Variants in SBNO1 observed in about 807,000 individuals in gnomAD.
SBNO1 encodes strawberry notch homolog 1, also known as protein strawberry notch homolog 1.
A neutral mutation model predicts 173.6 loss-of-function variants in SBNO1; 23 were observed. That is an observed-to-expected ratio of 0.13 (90% confidence interval 0.10 to 0.19). SBNO1 has a LOEUF of 0.19. Ranked by LOEUF, SBNO1 falls within the 10% of genes least tolerant of loss-of-function variation. SBNO1 has a pLI of 1.00. For synonymous variants in SBNO1, 632 were observed against 571.5 expected (o/e 1.11, Z -1.51); for missense variants, 1,238 against 1,671.2 (o/e 0.74, Z 4.52).
At chr12:123,319,361 T>C (rs562867324) in intron 20 of SBNO1, among the ~76,000 whole-genome samples, 2 of 152,318 alleles carry the variant, frequency 1.3e-5, no homozygotes, top group East Asian at 1.9e-4. Context: ...CAATACTTAT[T>C]ATATTCAATG....
At chr12:123,331,438 TAC>T in intron 7 of SBNO1, 63 bp from the exon 8 acceptor site, 1 of 1,484,542 alleles carries the variant, frequency 6.7e-7, no homozygotes, top group Non-Finnish European at 9.2e-7. Flanking sequence ...CAATCTTTCA[TAC>T]ACTGTTTTAG....
intron 23 of SBNO1, among the ~76,000 whole-genome samples, chr12:123,315,105 A>C (rs2138943990): frequency 6.6e-6 from 1 of 152,296 alleles, no homozygotes; most frequent in Non-Finnish European, 1.5e-5. Context: ...AGAAAAATTA[A>C]CTTCCTTTGC....
chr12:123,318,496 G>A (rs561451918), intron 20 of SBNO1, among the ~76,000 whole-genome samples: 2 of 152,104 alleles, frequency 1.3e-5, no homozygotes, highest in South Asian at 4.1e-4. Context: ...ATTTTGGGAG[G>A]CAGAGGTGGG....
intron 1 of SBNO1, among the ~76,000 whole-genome samples, chr12:123,357,007 G>A (rs1167406081): frequency 6.6e-6 from 1 of 152,110 alleles, no homozygotes; most frequent in African/African-American, 2.4e-5. Flanking sequence ...TTTAGTTTAA[G>A]AATTTTAAGA....
At chr12:123,308,005 G>C (rs2048963415) in intron 28 of SBNO1, among the ~76,000 whole-genome samples, 1 of 152,174 alleles carries the variant, frequency 6.6e-6, no homozygotes, top group Admixed American at 6.5e-5. Flanking sequence ...CTGGGAGGCG[G>C]AGGTTGCAGT....
At chr12:123,328,979 G>T (rs1870880918) in intron 9 of SBNO1, 84 bp from the exon 10 acceptor site, 7 of 800,824 alleles carry the variant, frequency 8.7e-6, no homozygotes, top group Non-Finnish European at 9.4e-6. Flanking sequence ...TCACAAGCAG[G>T]AACTCTTGTT....
chr12:123,349,546 A>G (rs1873637292), intron 2 of SBNO1, among the ~76,000 whole-genome samples: 1 of 129,362 alleles, frequency 7.7e-6, no homozygotes, highest in Non-Finnish European at 1.5e-5. Context: ...CGTTTATAAT[A>G]ACATCAAAGC....
In SBNO1 at chr12:123,309,286, T is replaced by A. The variant is rs761729057; in HGVS notation, c.3630+24A>T. The A allele has an allele frequency of 2.6e-6, 4 of 1,556,544 alleles. No individual in the cohort carries two copies. In the Admixed American group the frequency reaches 6.7e-5, roughly 26 times the overall value. ...CATTAAAAAGTATTATATATCTGAA[T>A]AGAATTTAAAGGAAAAGTCGTACTT... On this transcript the variant is annotated intron_variant, in intron 28 of 31. Coordinates refer to ENST00000602398, the MANE Select transcript of SBNO1 (RefSeq NM_001167856.3).
intron 28 of SBNO1, among the ~76,000 whole-genome samples, chr12:123,308,785 T>C (rs916457907): frequency 1.3e-5 from 2 of 152,086 alleles, no homozygotes; most frequent in African/African-American, 4.8e-5. Context: ...CTGGCCAACA[T>C]GGTGAAACTT....
intron 29 of SBNO1, among the ~76,000 whole-genome samples, 167 bp from the exon 30 acceptor site, chr12:123,303,067 G>C (rs1445586751): frequency 6.6e-6 from 1 of 152,164 alleles, no homozygotes; most frequent in African/African-American, 2.4e-5. Flanking sequence ...GCTCTGTCAT[G>C]CTGGTTCCTC....
chr12:123,336,459 T>C lies in SBNO1; in HGVS notation c.684A>G (p.Pro228=). 1 of 1,612,916 alleles carries C rather than the reference T, an allele frequency of 6.2e-7. No individual in the cohort carries two copies. Among genetic ancestry groups the C allele is most frequent in the Non-Finnish European group, 8.5e-7 (1 of 1,179,358 alleles). The part of the protein sequence containing the change: ...KVPVVKEDDE[P]EEEDEEEMGH... ...CCATTTCTTCTTCATCTTCTTCCTC[T>C]GGTTCATCATCTTCTTTTACAACAG... Residue 228 remains proline (P), a synonymous_variant, in exon 6 of 32, where the codon CCA becomes CCG. Coordinates refer to ENST00000602398, the MANE Select transcript of SBNO1 (RefSeq NM_001167856.3).
chr12:123,348,438 A>G (rs1593406917), intron 2 of SBNO1, among the ~76,000 whole-genome samples: 1 of 152,168 alleles, frequency 6.6e-6, no homozygotes, highest in African/African-American at 2.4e-5. Flanking sequence ...CCTGTCCAAC[A>G]TGGTGAAACC....
intron 29 of SBNO1, 78 bp from the exon 30 acceptor site, chr12:123,302,978 A>C (rs1236655935): frequency 9.6e-7 from 1 of 1,039,602 alleles, no homozygotes; most frequent in Non-Finnish European, 1.5e-6. Flanking sequence ...CTGTAATTCT[A>C]GAGGTAGCCA....
chr12:123,301,945 G>GTT (rs940770303), intron 30 of SBNO1, among the ~76,000 whole-genome samples: 1 of 145,542 alleles, frequency 6.9e-6, no homozygotes, highest in South Asian at 2.1e-4. Context: ...AAAGTGGTTT[G>GTT]TTTTTTTTTT....
At chr12:123,352,511 C>T (rs1236475434) in intron 1 of SBNO1, among the ~76,000 whole-genome samples, 6 of 152,180 alleles carry the variant, frequency 3.9e-5, no homozygotes, top group East Asian at 1.9e-4. Flanking sequence ...AGGCTGGTCT[C>T]GAACTCCTGA....
intron 1 of SBNO1, among the ~76,000 whole-genome samples, chr12:123,361,966 C>T (rs1875275537): frequency 6.7e-6 from 1 of 149,636 alleles, no homozygotes; most frequent in African/African-American, 2.5e-5. Flanking sequence ...TGGTGAAACC[C>T]CGTGTCTACT....
chr12:123,353,943 G>A (rs1461102205), intron 1 of SBNO1, among the ~76,000 whole-genome samples: 4 of 152,108 alleles, frequency 2.6e-5, no homozygotes, highest in South Asian at 2.1e-4. Flanking sequence ...GCAGGCCACA[G>A]GATCCATCAG....
chr12:123,295,286 T>C lies in SBNO1; in HGVS notation c.*622A>G, dbSNP rs2048575850. The C allele has an allele frequency of 6.6e-6, 1 of 152,196 alleles. No individual in the cohort carries two copies. The allele number at this position is 152,196 out of a possible 1,614,324, so 9.4% of individuals were successfully genotyped here. A position where few individuals can be genotyped will look rare whatever the true frequency, so the allele number is the denominator to read the frequency against. ...TAACCAATGCTGTACATCTAACAAA[T>C]GTTTCTCTCTGTTACTCGACTCCTG... On this transcript the variant is annotated 3_prime_UTR_variant, in exon 32 of 32. Coordinates refer to ENST00000602398, the MANE Select transcript of SBNO1 (RefSeq NM_001167856.3).
At chr12:123,317,678 T>C (rs1869445803) in intron 20 of SBNO1, among the ~76,000 whole-genome samples, 1 of 152,162 alleles carries the variant, frequency 6.6e-6, no homozygotes, top group African/African-American at 2.4e-5. Context: ...CAAAGGTAAC[T>C]TGGAAATGGA....
Sources: allele counts gnomAD v4.1 joint callset (sites outside exome capture counted in the v4.1 genomes callset), GRCh38; gene constraint gnomAD v4.1.1; transcripts MANE v1.5; gene names NCBI Gene and HGNC (gene_info 2026-07-23, HGNC 2026-07-21).